The following TRPV2 variants were observed in gnomAD, a reference collection of about 807,000 sequenced individuals.
The protein encoded by TRPV2 is OTRPC2.
In TRPV2, 58 loss-of-function variants were observed where a neutral mutation model predicts 91.0. The ratio of observed to expected loss-of-function variants is 0.64; its 90% confidence interval spans 0.52 to 0.79. The LOEUF (loss-of-function observed/expected upper bound fraction) is 0.79, where lower values mean the gene tolerates loss of function less well. TRPV2 is among the 30% of genes least tolerant of loss of function. The probability of loss-of-function intolerance (pLI) is 0.00; values close to 1 mark genes in which losing one functional copy is unlikely to be tolerated. For synonymous variants in TRPV2, 417 were observed against 414.8 expected (o/e 1.01, Z -0.06); for missense variants, 807 against 969.6 (o/e 0.83, Z 2.23).
At chr17:16,434,293 C>A (rs540986817) in intron 13 of TRPV2, among the ~76,000 whole-genome samples, 1 of 151,954 alleles carries the variant, frequency 6.6e-6, no homozygotes, top group African/African-American at 2.4e-5. Context: ...ACAGTGAAAC[C>A]CCATCTCTAC....
chr17:16,432,220 C>T lies in TRPV2; in HGVS notation c.1909C>T (p.Leu637=). ...LAYVLLTYIL[L]LNMLIALMSE... ...CTACGTGCTGCTCACCTACATCCTG[C>T]TGCTCAACATGCTCATCGCCCTCAT... The change falls in exon 12 of 15, where the codon CTG becomes TTG. Residue 637 remains leucine, a synonymous_variant. Coordinates refer to ENST00000338560, the MANE Select transcript of TRPV2 (RefSeq NM_016113.5). The T allele has an allele frequency of 1.9e-6, 3 of 1,614,202 alleles. No individual in the cohort carries two copies. The highest frequency in any genetic ancestry group is 2.5e-6 in the Non-Finnish European group (3 of 1,180,016).
In TRPV2 at chr17:16,421,341, C is replaced by A. The variant is rs151202797; in HGVS notation, c.334+1093C>A. On this transcript the variant is annotated intron_variant, in intron 3 of 14. Coordinates refer to ENST00000338560, the MANE Select transcript of TRPV2 (RefSeq NM_016113.5). ...TTCTCCTGCCTCAGCCTCAGCCTCC[C>A]GAGCAGCTGGGATTACAGGCACCAG... Among the ~76,000 whole-genome samples, 292 of 151,998 alleles carry A rather than the reference C, an allele frequency of 1.9e-3. 6 individuals are homozygous for A. The highest frequency in any genetic ancestry group is 6.8e-3 in the Middle Eastern group (2 of 294).
In TRPV2 at chr17:16,415,856, G is replaced by C. The variant is rs548790042; in HGVS notation, c.-108+23G>C. 6.6e-6 allele frequency: 1 copy of C among 152,382 alleles called. No homozygotes were observed. The highest frequency in any genetic ancestry group is 1.5e-5 in the Non-Finnish European group (1 of 68,218). 9.4% of individuals were successfully genotyped at this position (152,382 alleles called of 1,614,324 possible). On this transcript the variant is annotated intron_variant, in intron 1 of 14. Transcript: ENST00000338560. The surrounding 1 kb of genome is among the most constrained non-coding windows in gnomAD (Gnocchi z 4.5). ...GGGGTAAGTCGGTGGGCAATGCTGG[G>C]GACGTTGGAGGGGGCCGGGTCTCCA... is the stretch of plus-strand genomic sequence containing the variant.
At chr17:16,417,255 ATTTTTTT>A (rs34360076) in intron 1 of TRPV2, among the ~76,000 whole-genome samples, 1 of 133,820 alleles carries the variant, frequency 7.5e-6, no homozygotes, top group Non-Finnish European at 1.6e-5. Context: ...AAAAACCGCA[ATTTTTTT>A]TTTTTTTTTT....
chr17:16,431,883 C>A (rs2093414333), intron 11 of TRPV2, 33 bp downstream of exon 11: 3 of 1,613,916 alleles, frequency 1.9e-6, no homozygotes, highest in Non-Finnish European at 2.5e-6. Context: ...TCCCCCTTCC[C>A]CACGTTCCTT....
Position 16,422,899 on chromosome 17 carries a change from C to A in TRPV2, c.625+10C>A. The A allele has an allele frequency of 1.9e-6, 3 of 1,555,106 alleles. No individual in the cohort carries two copies. The highest frequency in any genetic ancestry group is 3.9e-5 in the Admixed American group (2 of 51,908). On this transcript the variant is annotated intron_variant, in intron 4 of 14. Coordinates refer to ENST00000338560, the MANE Select transcript of TRPV2 (RefSeq NM_016113.5). ...ACTTGCTTTTATTTCGGTGAGTGAG[C>A]CTTTCTTGGATAAATCGAGGCAAAG...
Position 16,417,726 on chromosome 17 carries a change from G to A in TRPV2, c.58G>A (p.Glu20Lys), listed in dbSNP as rs780932240. 1 of 1,614,242 alleles carries A rather than the reference G, an allele frequency of 6.2e-7. No individual in the cohort carries two copies. The highest frequency in any genetic ancestry group is 2.2e-5 in the East Asian group (1 of 44,886). The change falls in exon 2 of 15, where the codon GAA becomes AAA. Residue 20 changes from glutamate to lysine, a missense_variant. By Grantham distance (56) the Glu-to-Lys change is moderately conservative. Transcript: ENST00000338560. The stretch of plus-strand genomic sequence containing the variant: ...GTTGGAGACATTAGATGGAGGCCAA[G>A]AAGATGGCTCTGAGGCGGACAGAGG... ...FRLETLDGGQEDGSEADRGKL... is the reference protein window; with the variant it reads ...FRLETLDGGQKDGSEADRGKL...
At chr17:16,431,588 C>G (rs1239665422) in intron 10 of TRPV2, among the ~76,000 whole-genome samples, 196 bp from the exon 11 acceptor site, 1 of 151,962 alleles carries the variant, frequency 6.6e-6, no homozygotes, top group East Asian at 1.9e-4. Flanking sequence ...CATGAGCCAC[C>G]GCACCCAGCC....
rs1299285958 is a variant in TRPV2, at chr17:16,427,560, C to G, written c.1350+13C>G. 1 of 1,603,168 alleles carries G rather than the reference C, an allele frequency of 6.2e-7. No homozygotes were observed. The highest frequency in any genetic ancestry group is 1.1e-5 in the South Asian group (1 of 90,408). On this transcript the variant is annotated intron_variant, in intron 8 of 14. Transcript: ENST00000338560. ...CCTCGTGGGCCAGGTGAGTGCCCCTCCCCTTCTCCTACCAAGAAGCAAACC... is the reference window on the plus strand; with the variant it reads ...CCTCGTGGGCCAGGTGAGTGCCCCTGCCCTTCTCCTACCAAGAAGCAAACC...
chr17:16,433,406 C>A, intron 12 of TRPV2, 168 bp from the exon 13 acceptor site: 1 of 964,072 alleles, frequency 1.0e-6, no homozygotes, highest in Non-Finnish European at 1.5e-6. Context: ...GGGCCCAACC[C>A]CACACAGGTA....
At position 16,432,093 on chromosome 17, in the gene TRPV2, G is replaced by T. The variant is rs781764027; in HGVS notation, c.1782G>T (p.Leu594=). 1.3e-4 allele frequency: 210 copies of T among 1,614,100 alleles called. No homozygotes were observed. The highest frequency in any genetic ancestry group is 1.6e-4 in the Non-Finnish European group (192 of 1,180,032). The change falls in exon 12 of 15, where the codon CTG becomes CTT. Residue 594 remains leucine, a synonymous_variant. Transcript: ENST00000338560. ...EGNGAQYRGI[L]EASLELFKFT... is the part of the protein sequence containing the mutation. ...ACGGGGCCCAGTACAGGGGTATCCT[G>T]GAAGCCTCCTTGGAGCTCTTCAAAT...
chr17:16,432,434 T>A, intron 12 of TRPV2, 134 bp downstream of exon 12: 118 of 628,342 alleles, frequency 1.9e-4, no homozygotes, highest in Non-Finnish European at 2.7e-4. Context: ...TCAGTCTTCC[T>A]CTTCCTTTTT....
chr17:16,431,920 C>T, intron 11 of TRPV2, 46 bp from the exon 12 acceptor site: 2 of 1,612,240 alleles, frequency 1.2e-6, no homozygotes, highest in Non-Finnish European at 1.7e-6. Context: ...CCCAAGGCTG[C>T]CCACCGGTCT....
intron 10 of TRPV2, among the ~76,000 whole-genome samples, chr17:16,431,293 T>TATATACACATA (rs1568919199): frequency 2.2e-5 from 1 of 44,976 alleles, no homozygotes; most frequent in African/African-American, 1.5e-4. Context: ...ATATACATAT[T>TATATACACATA]TTTTTTTTTT....
chr17:16,432,720 T>C (rs1016330814), intron 12 of TRPV2, among the ~76,000 whole-genome samples: 3 of 151,964 alleles, frequency 2.0e-5, no homozygotes, highest in East Asian at 1.9e-4. Flanking sequence ...TTTAAGCTCA[T>C]AGATGTACTT....
chr17:16,436,747 A>G (rs999368438), intron 14 of TRPV2, 42 bp from the exon 15 acceptor site: 2 of 1,437,170 alleles, frequency 1.4e-6, no homozygotes. Context: ...TCCTGGGGAC[A>G]CACTCAAGGG....
rs1283178860 is a variant in TRPV2, at chr17:16,428,893, G to T, written c.1498G>T (p.Val500Leu). 6.2e-7 allele frequency: 1 copy of T among 1,614,078 alleles called. No individual in the cohort carries two copies. Among genetic ancestry groups the T allele is most frequent in the African/African-American group, 1.3e-5 (1 of 74,936 alleles). Residue 500 changes from valine (V) to leucine (L), a missense_variant, in exon 10 of 15, where the codon GTG becomes TTG. Transcript: ENST00000338560. The stretch of plus-strand genomic sequence containing the variant: ...CATCGAGTGGTACCTGCCCCTGCTT[G>T]TGTCTGCGCTGGTGCTGGGCTGGCT... ...LAIEWYLPLL[V>L]SALVLGWLNL...
chr17:16,429,424 G>A (rs1346633679), intron 10 of TRPV2, among the ~76,000 whole-genome samples: 2 of 152,182 alleles, frequency 1.3e-5, no homozygotes, highest in Non-Finnish European at 2.9e-5. Flanking sequence ...CCCTGAAGCT[G>A]ATGTTCTGGT....
At chr17:16,432,348 G>T (rs373968572) in intron 12 of TRPV2, 48 bp downstream of exon 12, 1 of 1,546,434 alleles carries the variant, frequency 6.5e-7, no homozygotes, top group Non-Finnish European at 8.8e-7. Context: ...ACACTCAGGC[G>T]GTGGGGAGTG....
Sources: gnomAD v4.1 joint callset for allele counts (sites outside exome capture counted in the v4.1 genomes callset) on GRCh38, gnomAD v4.1.1 for gene constraint, Gnocchi (gnomAD v3.1) non-coding constraint, MANE v1.5 for transcripts, NCBI Gene and HGNC (gene_info 2026-07-23, HGNC 2026-07-21) for gene names.